The following PDE1C variants were observed in gnomAD, a reference collection of about 807,000 sequenced individuals.
The protein encoded by PDE1C is phosphodiesterase 1C.
Under a neutral mutation model 93.1 loss-of-function variants are expected in PDE1C, and 62 were observed. The ratio of observed to expected loss-of-function variants is 0.67; its 90% CI spans 0.54 to 0.82. The LOEUF (loss-of-function observed/expected upper bound fraction) is 0.82. Ranked by LOEUF, PDE1C falls within the 40% of genes least tolerant of loss-of-function variation. The probability of loss-of-function intolerance (pLI) is 0.00; values close to 1 mark genes in which losing one functional copy is unlikely to be tolerated. For synonymous variants in PDE1C, 325 were observed against 310.1 expected, an observed-to-expected ratio of 1.05 and a Z score of -0.50; for missense variants, 742 against 884.6, an observed-to-expected ratio of 0.84 and a Z score of 2.04.
intron 7 of PDE1C, among the ~76,000 whole-genome samples, chr7:31,863,549 T>A (rs558172047): frequency 2.3e-4 from 35 of 152,338 alleles, no homozygotes; most frequent in African/African-American, 7.9e-4. Context: ...TTTATTGAGT[T>A]AAAAATGTTC....
chr7:32,096,702 C>T (rs938690459), intron 3 of PDE1C, among the ~76,000 whole-genome samples: 6 of 152,070 alleles, frequency 3.9e-5, no homozygotes, highest in African/African-American at 1.4e-4. Flanking sequence ...TGCACATAAC[C>T]TATGTTTTAT....
chr7:31,962,751 CA>C (rs1809197375), intron 2 of PDE1C, among the ~76,000 whole-genome samples: 1 of 152,140 alleles, frequency 6.6e-6, no homozygotes, highest in Admixed American at 6.5e-5. Flanking sequence ...AGGTCTTAGC[CA>C]AATAATTCCA....
chr7:32,334,230 T>G (rs1037309391), intron 1 of PDE1C, among the ~76,000 whole-genome samples: 1 of 152,190 alleles, frequency 6.6e-6, no homozygotes, highest in African/African-American at 2.4e-5. Flanking sequence ...CAATTGCAAT[T>G]ATATAAATAA....
chr7:32,074,298 C>A (rs1473836142), upstream of PDE1C, among the ~76,000 whole-genome samples: 4 of 152,198 alleles, frequency 2.6e-5, no homozygotes, highest in Non-Finnish European at 5.9e-5. Context: ...TTTCATGGTT[C>A]ATTTATAATC....
chr7:32,002,499 C>CTGG (rs1785603147), intron 2 of PDE1C, among the ~76,000 whole-genome samples: 1 of 152,112 alleles, frequency 6.6e-6, no homozygotes, highest in African/African-American at 2.4e-5. Flanking sequence ...TACCTGTGAT[C>CTGG]CACAGAGTCC....
intron 1 of PDE1C, among the ~76,000 whole-genome samples, chr7:32,369,805 GAT>G (rs1252268216): frequency 5.9e-5 from 9 of 152,140 alleles, no homozygotes; most frequent in Non-Finnish European, 1.0e-4. Flanking sequence ...CAGTTAGAAT[GAT>G]GATCATTAAA....
chr7:31,789,284 T>C (rs1486229214), intron 16 of PDE1C: 3 of 152,224 alleles, frequency 2.0e-5, no homozygotes, highest in African/African-American at 7.2e-5. Flanking sequence ...TCTTATTTTT[T>C]ATTCGTGCTA....
intron 14 of PDE1C, among the ~76,000 whole-genome samples, chr7:31,821,736 C>T (rs1788993195): frequency 6.6e-6 from 1 of 152,068 alleles, no homozygotes; most frequent in Non-Finnish European, 1.5e-5. Flanking sequence ...AAATGAGCAG[C>T]CACTTGAACA....
At chr7:32,405,502 C>A (rs772272530) in intron 1 of PDE1C, among the ~76,000 whole-genome samples, 2 of 152,194 alleles carry the variant, frequency 1.3e-5, no homozygotes, top group African/African-American at 4.8e-5. Flanking sequence ...CTGCCCACCT[C>A]GGCCTCAGTG....
chr7:31,856,745 C>T (rs1463238119), intron 7 of PDE1C, among the ~76,000 whole-genome samples: 1 of 149,876 alleles, frequency 6.7e-6, no homozygotes, highest in Admixed American at 6.7e-5. Context: ...AAATGCATGG[C>T]CTCTGAAGTC....
the PDE1C span, among the ~76,000 whole-genome samples, chr7:31,694,249 G>C: frequency 3.9e-5 from 6 of 152,060 alleles, no homozygotes; most frequent in Non-Finnish European, 4.4e-5. Context: ...TATGAAGATG[G>C]GAAGCTTTCC....
chr7:31,692,802 T>A, the PDE1C span, among the ~76,000 whole-genome samples: 1 of 151,988 alleles, frequency 6.6e-6, no homozygotes, highest in Non-Finnish European at 1.5e-5. Context: ...TCTGACAGAG[T>A]CCCAGGCAGA....
intron 2 of PDE1C, among the ~76,000 whole-genome samples, chr7:31,924,496 C>T (rs1319566079): frequency 6.6e-6 from 1 of 152,194 alleles, no homozygotes; most frequent in African/African-American, 2.4e-5. Flanking sequence ...GCCTTATAGG[C>T]ATCATGACTG....
chr7:31,724,612 T>TAG, the PDE1C span, among the ~76,000 whole-genome samples: 2 of 152,192 alleles, frequency 1.3e-5, no homozygotes, highest in Non-Finnish European at 2.9e-5. Context: ...GCTCTGATTC[T>TAG]TCATAGAAAT....
intron 2 of PDE1C, among the ~76,000 whole-genome samples, chr7:32,050,674 T>C (rs1793230849): frequency 6.6e-6 from 1 of 152,136 alleles, no homozygotes; most frequent in South Asian, 2.1e-4. Context: ...AGGAAGTACA[T>C]GACATTTCCT....
chr7:32,157,473 CA>C lies in PDE1C; in HGVS notation c.308+12311del, dbSNP rs537458919. The stretch of plus-strand genomic sequence containing the variant: ...TATGTACAACTATGTCAATAAAATA[CA>C]AAAAAAATAAAATACGGGAACCTAA... On this transcript the variant is annotated intron_variant, in intron 3 of 18. Coordinates refer to the PDE1C transcript ENST00000396193. Among the ~76,000 whole-genome samples, 188 of 151,282 alleles carry C rather than the reference CA, an allele frequency of 1.2e-3. 1 individual carries two copies. Among genetic ancestry groups the C allele is most frequent in the African/African-American group, 4.3e-3 (178 of 41,236 alleles).
intron 2 of PDE1C, among the ~76,000 whole-genome samples, chr7:31,974,479 G>T (rs1218848154): frequency 6.6e-6 from 1 of 152,176 alleles, no homozygotes; most frequent in Non-Finnish European, 1.5e-5. Context: ...AGAGAAAGCT[G>T]AAGTGTTTTG....
At chr7:31,924,514 T>C (rs1803087710) in intron 2 of PDE1C, among the ~76,000 whole-genome samples, 1 of 152,202 alleles carries the variant, frequency 6.6e-6, no homozygotes, top group South Asian at 2.1e-4. Context: ...CTGGCACAAA[T>C]AAATCTCTTC....
intron 17 of PDE1C, among the ~76,000 whole-genome samples, chr7:31,768,237 C>CT (rs1166481071): frequency 6.6e-6 from 1 of 152,112 alleles, no homozygotes; most frequent in Non-Finnish European, 1.5e-5. Flanking sequence ...TTACTTGAGA[C>CT]TTTTGTCATT....
Sources: gnomAD v4.1 joint callset for allele counts (sites outside exome capture counted in the v4.1 genomes callset) on GRCh38, gnomAD v4.1.1 for gene constraint, MANE v1.5 for transcripts, NCBI Gene and HGNC (gene_info 2026-07-23, HGNC 2026-07-21) for gene names.